The following ROBO1 variants were observed in gnomAD, a reference collection of about 807,000 sequenced individuals.
The protein encoded by ROBO1 is roundabout guidance receptor 1, also known as roundabout homolog 1.
ROBO1 carries 149 observed loss-of-function variants against 195.9 expected under a neutral mutation model. The observed-to-expected ratio is 0.76, with a 90% CI of 0.67 to 0.87. The LOEUF (loss-of-function observed/expected upper bound fraction) is 0.87, where lower values mean the gene tolerates loss of function less well. ROBO1 is among the 40% of genes least tolerant of loss of function. The pLI is 0.00. For synonymous variants in ROBO1, 816 were observed against 733.2 expected, an observed-to-expected ratio of 1.11 and a Z score of -1.82; for missense variants, 1,933 against 2,068.3, an observed-to-expected ratio of 0.93 and a Z score of 1.27.
chr3:79,018,559 T>C, intron 3 of ROBO1: 1 of 1,547,568 alleles, frequency 6.5e-7, no homozygotes, highest in South Asian at 1.2e-5. Context: ...CACAAAGGCT[T>C]AATATAAGCA....
intron 2 of ROBO1, among the ~76,000 whole-genome samples, chr3:79,356,394 A>C (rs750026377): frequency 4.6e-5 from 7 of 152,242 alleles, no homozygotes; most frequent in Admixed American, 1.3e-4. Context: ...ATACACTATT[A>C]TTTCAGAATA....
At chr3:78,756,278 C>T (rs1238252242) in intron 4 of ROBO1, among the ~76,000 whole-genome samples, 1 of 151,930 alleles carries the variant, frequency 6.6e-6, no homozygotes, top group Non-Finnish European at 1.5e-5. Context: ...TGGGTCATTT[C>T]CAAGGACTGC....
chr3:79,689,670 A>G (rs1002329457), intron 1 of ROBO1, among the ~76,000 whole-genome samples: 1 of 152,008 alleles, frequency 6.6e-6, no homozygotes, highest in African/African-American at 2.4e-5. Flanking sequence ...CCTGGAAACT[A>G]TCTTGCTTTT....
chr3:79,063,078 T>C (rs921438175), intron 3 of ROBO1, among the ~76,000 whole-genome samples: 5 of 151,958 alleles, frequency 3.3e-5, no homozygotes, highest in African/African-American at 9.7e-5. Context: ...TTGTGGACCA[T>C]GTAGATTCTG....
At chr3:79,047,516 A>T (rs1268053792) in intron 3 of ROBO1, among the ~76,000 whole-genome samples, 1 of 152,158 alleles carries the variant, frequency 6.6e-6, no homozygotes, top group Non-Finnish European at 1.5e-5. Context: ...TAAGGGCAGG[A>T]CTGTCATCTT....
chr3:78,911,692 T>C lies in ROBO1; in HGVS notation c.499+26909A>G, dbSNP rs531230922. Among the ~76,000 whole-genome samples, 10 of 152,164 alleles carry C rather than the reference T, an allele frequency of 6.6e-5. No homozygotes were observed. In the South Asian group the frequency reaches 1.2e-3, roughly 19 times the overall value. ...AGCACTAAATCAATTGATATGGTCA[T>C]TGCAATTGAAGGACTTGTCAAATTT... is the stretch of plus-strand genomic sequence containing the variant. On this transcript the variant is annotated intron_variant, in intron 4 of 30. Coordinates refer to ENST00000464233, the MANE Select transcript of ROBO1 (RefSeq NM_002941.4).
At chr3:79,497,663 C>CAA (rs140244367) in intron 2 of ROBO1, among the ~76,000 whole-genome samples, 1 of 152,066 alleles carries the variant, frequency 6.6e-6, no homozygotes, top group Non-Finnish European at 1.5e-5. Context: ...TGCGAAGGGA[C>CAA]AAAAATCTTG....
chr3:79,612,635 C>T (rs892668773), intron 1 of ROBO1, among the ~76,000 whole-genome samples: 2 of 146,208 alleles, frequency 1.4e-5, no homozygotes, highest in East Asian at 4.3e-4. Flanking sequence ...AACTAGTTTA[C>T]AGTCCCACCA....
chr3:78,797,723 A>G (rs2084228323), intron 4 of ROBO1, among the ~76,000 whole-genome samples: 1 of 152,294 alleles, frequency 6.6e-6, no homozygotes, highest in African/African-American at 2.4e-5. Flanking sequence ...TTGATTCTAC[A>G]CCAAAATGGA....
At chr3:78,908,953 A>G (rs1377111425) in intron 4 of ROBO1, among the ~76,000 whole-genome samples, 1 of 151,924 alleles carries the variant, frequency 6.6e-6, no homozygotes, top group Non-Finnish European at 1.5e-5. Context: ...TGATAAAAGC[A>G]CTAAAAACAA....
At chr3:78,721,208 A>T (rs946102635) in intron 5 of ROBO1, among the ~76,000 whole-genome samples, 6 of 152,214 alleles carry the variant, frequency 3.9e-5, no homozygotes, top group Non-Finnish European at 7.3e-5. Context: ...GAGTTTAAAA[A>T]ACTTGAGTTC....
chr3:79,016,086 A>C (rs959416754), intron 3 of ROBO1, among the ~76,000 whole-genome samples: 26 of 152,334 alleles, frequency 1.7e-4, no homozygotes, highest in African/African-American at 6.0e-4. Flanking sequence ...GACATGAAAC[A>C]CAATCTTTCA....
intron 1 of ROBO1, among the ~76,000 whole-genome samples, chr3:79,644,061 T>C (rs1057184264): frequency 2.0e-5 from 3 of 152,248 alleles, no homozygotes; most frequent in African/African-American, 7.2e-5. Context: ...TAGCTATAAT[T>C]ATATGAGATT....
intron 4 of ROBO1, among the ~76,000 whole-genome samples, chr3:78,810,593 T>A (rs1223859427): frequency 1.3e-5 from 2 of 152,106 alleles, no homozygotes; most frequent in Non-Finnish European, 2.9e-5. Context: ...TGACAAAACC[T>A]TTATTTATCT....
intron 4 of ROBO1, among the ~76,000 whole-genome samples, chr3:78,846,073 G>A (rs1048226996): frequency 6.6e-6 from 1 of 151,926 alleles, no homozygotes; most frequent in African/African-American, 2.4e-5. Context: ...ATTGCCCTAG[G>A]ATGAGGCTTC....
intron 1 of ROBO1, among the ~76,000 whole-genome samples, chr3:79,642,299 T>C (rs1241657029): frequency 6.6e-6 from 1 of 152,028 alleles, no homozygotes; most frequent in Non-Finnish European, 1.5e-5. Context: ...AATGACCAAA[T>C]ATAAGAATTA....
intron 1 of ROBO1, among the ~76,000 whole-genome samples, chr3:79,766,929 A>G (rs938858751): frequency 2.0e-5 from 3 of 152,076 alleles, no homozygotes; most frequent in South Asian, 4.2e-4. Flanking sequence ...GAAAGATGGG[A>G]CGCACCTTTT....
intron 2 of ROBO1, among the ~76,000 whole-genome samples, chr3:79,233,189 A>G (rs2082350228): frequency 6.6e-6 from 1 of 152,082 alleles, no homozygotes; most frequent in South Asian, 2.1e-4. Flanking sequence ...GGAGAAGGAA[A>G]GGCAGAAATC....
At chr3:78,607,967 C>G (rs749152233) in intron 28 of ROBO1, among the ~76,000 whole-genome samples, 2 of 151,710 alleles carry the variant, frequency 1.3e-5, no homozygotes, top group African/African-American at 2.4e-5. Flanking sequence ...TGTTTACGTA[C>G]CCAGAGGTTT....
Sources: allele counts gnomAD v4.1 joint callset (sites outside exome capture counted in the v4.1 genomes callset), GRCh38; gene constraint gnomAD v4.1.1; transcripts MANE v1.5; gene names NCBI Gene and HGNC (gene_info 2026-07-23, HGNC 2026-07-21).